The following EDIL3 variants were observed in gnomAD, a reference collection of about 807,000 sequenced individuals.
EDIL3 encodes EGF-like repeat and discoidin I-like domain-containing protein 3.
In EDIL3, 37 loss-of-function variants were observed where a neutral mutation model predicts 67.4. That is an observed-to-expected ratio of 0.55 (90% CI 0.42 to 0.72). The LOEUF (loss-of-function observed/expected upper bound fraction) is 0.72, where lower values mean the gene tolerates loss of function less well. EDIL3 is among the 30% of genes least tolerant of loss of function. The pLI, the probability that EDIL3 is intolerant of heterozygous loss-of-function variation, is 0.00. For missense variants in EDIL3, 527 were observed against 586.3 expected (o/e 0.90, Z 1.04); for synonymous variants, 195 against 196.3 (o/e 0.99, Z 0.05).
intron 1 of EDIL3, among the ~76,000 whole-genome samples, chr5:84,336,961 CT>C (rs1747002418): frequency 6.6e-6 from 1 of 151,954 alleles, no homozygotes; most frequent in South Asian, 2.1e-4. Context: ...AAAATCTATT[CT>C]AATTCTTGCC....
intron 3 of EDIL3, among the ~76,000 whole-genome samples, chr5:84,182,131 C>T (rs1446695039): frequency 2.0e-5 from 3 of 151,904 alleles, no homozygotes; most frequent in African/African-American, 7.3e-5. Flanking sequence ...GTCAAAGCCA[C>T]TAATAAAAAC....
intron 4 of EDIL3, among the ~76,000 whole-genome samples, chr5:84,160,638 C>G (rs973019070): frequency 6.6e-6 from 1 of 152,052 alleles, no homozygotes; most frequent in Non-Finnish European, 1.5e-5. Flanking sequence ...GGTAATGGTT[C>G]TTTCCATTGC....
rs746940184 is a variant in EDIL3 at position 84,106,882 on chromosome 5, C to T, written c.470-52G>A. The T allele has an allele frequency of 4.0e-6, 6 of 1,500,608 alleles. No homozygotes were observed. The Admixed American group carries it at 1.1e-4, about 29-fold the overall frequency. The allele number at this position is 1,500,608 out of a possible 1,614,324, so 93.0% of individuals were successfully genotyped here. On this transcript the variant is annotated intron_variant, in intron 5 of 10. Coordinates refer to ENST00000296591, the MANE Select transcript of EDIL3 (RefSeq NM_005711.5). Reference sequence around the variant, plus strand: ...GAATGTATTAGAAACAATGCATATACAACATGTGTCTGTTCGATTTGATAG... The same window carrying T: ...GAATGTATTAGAAACAATGCATATATAACATGTGTCTGTTCGATTTGATAG...
intron 3 of EDIL3, among the ~76,000 whole-genome samples, chr5:84,210,745 T>C (rs1744102014): frequency 1.3e-5 from 2 of 152,230 alleles, no homozygotes; most frequent in Admixed American, 6.5e-5. Flanking sequence ...ATCTACAGGC[T>C]GTATGTATGG....
intron 1 of EDIL3, among the ~76,000 whole-genome samples, chr5:84,372,229 C>T (rs1228726650): frequency 6.6e-6 from 1 of 151,644 alleles, no homozygotes; most frequent in African/African-American, 2.4e-5. Flanking sequence ...CTTACAAGGA[C>T]AGATTAAAGG....
chr5:84,043,106 T>G (rs528379743), intron 9 of EDIL3, among the ~76,000 whole-genome samples: 23 of 152,202 alleles, frequency 1.5e-4, no homozygotes, highest in Non-Finnish European at 2.9e-4. Context: ...TAAAGAAAGT[T>G]AAATGCAGTT....
chr5:84,049,140 T>G (rs1746283974), intron 9 of EDIL3, among the ~76,000 whole-genome samples: 1 of 152,186 alleles, frequency 6.6e-6, no homozygotes, highest in Non-Finnish European at 1.5e-5. Context: ...CTGAAAAATC[T>G]GATGCTACCT....
rs115716861 is a variant in EDIL3, at chr5:84,168,777, C to T, written c.355+11616G>A. ...CACCTCCCAGGTGGTTGCAAGGTTC[C>T]ACGCTTACCCCCACCTGAACCTATT... On this transcript the variant is annotated intron_variant, in intron 4 of 10. Transcript: ENST00000296591. Among the ~76,000 whole-genome samples the T allele has an allele frequency of 3.9e-3, 599 of 152,286 alleles. 4 individuals carry two copies. Among genetic ancestry groups the T allele is most frequent in the African/African-American group, 0.014 (569 of 41,562 alleles).
chr5:84,059,676 C>T (rs1317085608), intron 9 of EDIL3, among the ~76,000 whole-genome samples: 1 of 152,098 alleles, frequency 6.6e-6, no homozygotes, highest in Admixed American at 6.6e-5. Flanking sequence ...CTTTTTGCCA[C>T]AGAAGCCACT....
At chr5:84,068,459 G>A (rs188229730) in intron 6 of EDIL3, among the ~76,000 whole-genome samples, 4 of 152,168 alleles carry the variant, frequency 2.6e-5, no homozygotes, top group Non-Finnish European at 1.5e-5. Flanking sequence ...TGGCTCATAA[G>A]CTATAGACAC....
chr5:84,152,211 C>T (rs889527437), intron 4 of EDIL3, among the ~76,000 whole-genome samples: 5 of 152,174 alleles, frequency 3.3e-5, no homozygotes, highest in African/African-American at 1.2e-4. Flanking sequence ...AGCCACTGCT[C>T]CCAGCCCTCT....
In EDIL3 at chr5:84,384,617, AG is replaced by A; in HGVS notation, c.-244del. 2 of 321,052 alleles carry A rather than the reference AG, an allele frequency of 6.2e-6. No homozygotes were observed. The highest frequency in any genetic ancestry group is 1.1e-5 in the Non-Finnish European group (2 of 177,526). The allele number at this position is 321,052 out of a possible 1,614,324, so 19.9% of individuals were successfully genotyped here. On this transcript the variant is annotated 5_prime_UTR_variant, in exon 1 of 11. Transcript: ENST00000296591. Reference sequence around the variant, plus strand: ...GCGCGGAGGTGGGTGAGCTCCGGGGAGCCGCCGGCGGGCTCAGCCCTCCGCT... The same window carrying A: ...GCGCGGAGGTGGGTGAGCTCCGGGGACCGCCGGCGGGCTCAGCCCTCCGCT...
At chr5:84,216,619 A>G (rs1480792895) in intron 3 of EDIL3, among the ~76,000 whole-genome samples, 1 of 152,210 alleles carries the variant, frequency 6.6e-6, no homozygotes, top group South Asian at 2.1e-4. Context: ...TCTCCTCTTT[A>G]AATTATGTAT....
At chr5:84,268,137 C>CAATAAATAAATA (rs541817411) in intron 1 of EDIL3, among the ~76,000 whole-genome samples, 89 of 151,242 alleles carry the variant, frequency 5.9e-4, no homozygotes, top group African/African-American at 1.9e-3. Context: ...ATCTCGTCTC[C>CAATAAATAAATA]AATAAATAAA....
intron 3 of EDIL3, among the ~76,000 whole-genome samples, chr5:84,218,388 A>G (rs1327403451): frequency 6.6e-6 from 1 of 152,228 alleles, no homozygotes; most frequent in Non-Finnish European, 1.5e-5. Flanking sequence ...GGCTGAGTAA[A>G]TTTAGTTGTT....
chr5:84,358,791 T>C (rs1321048470), intron 1 of EDIL3, among the ~76,000 whole-genome samples: 1 of 151,884 alleles, frequency 6.6e-6, no homozygotes, highest in African/African-American at 2.4e-5. Context: ...TTGTATTTTT[T>C]AGTAGAGACG....
chr5:84,352,165 G>T (rs749103868), intron 1 of EDIL3, among the ~76,000 whole-genome samples: 27 of 152,178 alleles, frequency 1.8e-4, no homozygotes, highest in Non-Finnish European at 3.4e-4. Context: ...TGCAGAGAAA[G>T]GGGAATTCTT....
At chr5:84,017,902 T>C (rs1352352495) in intron 9 of EDIL3, among the ~76,000 whole-genome samples, 1 of 152,174 alleles carries the variant, frequency 6.6e-6, no homozygotes, top group Non-Finnish European at 1.5e-5. Context: ...TTAATATTGA[T>C]CATAAATTGT....
intron 5 of EDIL3, among the ~76,000 whole-genome samples, chr5:84,117,652 G>T (rs1394973537): frequency 7.8e-6 from 1 of 128,776 alleles, no homozygotes; most frequent in Non-Finnish European, 1.7e-5. Flanking sequence ...AGTAAATTTT[G>T]AAAAAAAAAA....
Sources: gnomAD v4.1 joint callset for allele counts (sites outside exome capture counted in the v4.1 genomes callset) on GRCh38, gnomAD v4.1.1 for gene constraint, MANE v1.5 for transcripts, NCBI Gene and HGNC (gene_info 2026-07-23, HGNC 2026-07-21) for gene names.